LSP1: variants seen among roughly 807,000 people sequenced by gnomAD.
The protein encoded by LSP1 is lymphocyte specific protein 1, also known as lymphocyte-specific protein 1.
Under a neutral mutation model 49.3 loss-of-function variants are expected in LSP1, and 32 were observed. The observed-to-expected ratio is 0.65, with a 90% CI of 0.49 to 0.87. The LOEUF is 0.87. Among genes scored for constraint, LSP1 ranks in the 40% least tolerant of loss-of-function variants. LSP1 has a pLI of 0.00. For synonymous variants in LSP1, 179 were observed against 178.8 expected (o/e 1.00, Z -0.01); for missense variants, 428 against 442.6 (o/e 0.97, Z 0.30).
At chr11:1,853,283 G>A in intron 1 of LSP1, 86 bp downstream of exon 1, 2 of 1,422,110 alleles carry the variant, frequency 1.4e-6, no homozygotes, top group Middle Eastern at 1.8e-4. Context: ...GAGAACTGAG[G>A]TGCCTGATGG....
At chr11:1,866,458 C>T (rs552802699) in intron 1 of LSP1, 141 of 1,462,604 alleles carry the variant, frequency 9.6e-5, no homozygotes, top group South Asian at 7.6e-4. Flanking sequence ...TTGTTGGGTC[C>T]GTGCAGATGC....
chr11:1,884,700 C>A lies in LSP1; in HGVS notation c.717+119C>A. ...CTTATTCAACCAACACCCTATCCAA[C>A]CAATGCTTCTCCATCCAGTCAGTGC... On this transcript the variant is annotated intron_variant, in intron 7 of 10. Coordinates refer to ENST00000311604, the MANE Select transcript of LSP1 (RefSeq NM_002339.3). The surrounding 1 kb of genome is among the most constrained non-coding windows in gnomAD (Gnocchi z 4.1). 3.9e-6 allele frequency: 3 copies of A among 776,600 alleles called. No individual in the cohort carries two copies. Among genetic ancestry groups the A allele is most frequent in the East Asian group, 2.7e-5 (1 of 37,550 alleles). The allele number at this position is 776,600 out of a possible 1,614,324, so 48.1% of individuals were successfully genotyped here. A position where few individuals can be genotyped will look rare whatever the true frequency, so the allele number is the denominator to read the frequency against.
In LSP1 at chr11:1,884,671, C is replaced by A; in HGVS notation, c.717+90C>A. On this transcript the variant is annotated intron_variant, in intron 7 of 10. Transcript: ENST00000311604. This position sits in a 1 kb window ranked among gnomAD's most constrained non-coding sequence, Gnocchi z 4.1. Reference sequence around the variant, plus strand: ...CCAACGCCCTTCCATCCAATCAGTGCCGCCTTATTCAACCAACACCCTATC... The same window carrying A: ...CCAACGCCCTTCCATCCAATCAGTGACGCCTTATTCAACCAACACCCTATC... The A allele has an allele frequency of 2.7e-6, 3 of 1,112,510 alleles. No homozygotes were observed. Among genetic ancestry groups the A allele is most frequent in the Non-Finnish European group, 4.0e-6 (3 of 748,766 alleles). 68.9% of individuals were successfully genotyped at this position (1,112,510 alleles called of 1,614,324 possible).
At chr11:1,866,397 G>T in intron 1 of LSP1, 2 of 1,302,708 alleles carry the variant, frequency 1.5e-6, no homozygotes, top group South Asian at 3.1e-5. Context: ...AGCTAAGTGG[G>T]GTCTGAGGAG....
intron 3 of LSP1, among the ~76,000 whole-genome samples, chr11:1,882,183 A>T (rs957938530): frequency 9.2e-5 from 14 of 152,104 alleles, no homozygotes; most frequent in Non-Finnish European, 1.5e-4. Flanking sequence ...GCCCCACTTC[A>T]CTACCCCTGC....
intron 1 of LSP1, among the ~76,000 whole-genome samples, chr11:1,854,653 C>T (rs568210193): frequency 1.8e-3 from 275 of 152,056 alleles, no homozygotes; most frequent in African/African-American, 6.1e-3. Flanking sequence ...TGGGTCGGGA[C>T]GTCCGTGCCT....
intron 1 of LSP1, chr11:1,863,196 C>A (rs1324725763): frequency 1.3e-5 from 2 of 152,386 alleles, no homozygotes; most frequent in African/African-American, 4.8e-5. Flanking sequence ...GTTGCCGCCA[C>A]CCCCGGCGTG....
intron 1 of LSP1, among the ~76,000 whole-genome samples, chr11:1,874,275 C>A (rs1383196430): frequency 5.1e-5 from 3 of 58,616 alleles, no homozygotes; most frequent in Non-Finnish European, 9.1e-5. Context: ...ACAGTGGGGG[C>A]AGGCCGGGGA....
chr11:1,889,259 G>A (rs750539867), intron 10 of LSP1: 57 of 677,694 alleles, frequency 8.4e-5, no homozygotes, highest in African/African-American at 3.0e-4. Flanking sequence ...GCTTCCGGGC[G>A]TTGAAGCGAG....
Position 1,853,336 on chromosome 11 carries a change from G to A in LSP1, c.53+139G>A, listed in dbSNP as rs890668468. 2.6e-5 allele frequency: 22 copies of A among 839,926 alleles called. No homozygotes were observed. In the African/African-American group the frequency reaches 2.8e-4, roughly 11 times the overall value. The allele number at this position is 839,926 out of a possible 1,614,324, so 52.0% of individuals were successfully genotyped here. ...ATGGGAGAACTTGGATGTCCGATGG[G>A]GAAACTGGGGACCCACAGACAGGTG... On this transcript the variant is annotated intron_variant, in intron 1 of 10. Coordinates refer to ENST00000311604, the MANE Select transcript of LSP1 (RefSeq NM_002339.3).
chr11:1,867,140 C>T (rs1847820594), intron 1 of LSP1, among the ~76,000 whole-genome samples: 1 of 152,154 alleles, frequency 6.6e-6, no homozygotes, highest in Admixed American at 6.5e-5. Context: ...GGTGGTCAGC[C>T]AGTGGGTTGG....
At chr11:1,854,336 G>C (rs1589802171) in intron 1 of LSP1, among the ~76,000 whole-genome samples, 1 of 152,122 alleles carries the variant, frequency 6.6e-6, no homozygotes, top group Non-Finnish European at 1.5e-5. Flanking sequence ...TGCAGCCAGG[G>C]CTGCTACCAG....
At chr11:1,860,067 A>G (rs553528552) in intron 1 of LSP1, among the ~76,000 whole-genome samples, 11 of 152,260 alleles carry the variant, frequency 7.2e-5, no homozygotes, top group South Asian at 4.1e-4. Context: ...CTTAGGCTCT[A>G]TTGAGGTGTT....
At chr11:1,878,976 G>A (rs1002748093) in intron 1 of LSP1, among the ~76,000 whole-genome samples, 3 of 152,098 alleles carry the variant, frequency 2.0e-5, no homozygotes, top group Admixed American at 6.5e-5. Context: ...AGGGGGGCGC[G>A]TGGGACCCCA....
At chr11:1,881,099 C>T (rs960730401) in intron 2 of LSP1, 16 of 258,048 alleles carry the variant, frequency 6.2e-5, no homozygotes, top group African/African-American at 2.3e-4. Flanking sequence ...CACAGCCTTA[C>T]CCTCAGGGAG....
intron 1 of LSP1, among the ~76,000 whole-genome samples, chr11:1,862,566 G>A (rs1324643472): frequency 3.3e-5 from 5 of 152,228 alleles, no homozygotes; most frequent in Middle Eastern, 6.8e-3. Context: ...TGAAGCACAT[G>A]CTCACTGCCC....
chr11:1,855,969 A>G lies in LSP1; in HGVS notation c.53+2772A>G, dbSNP rs112788844. 2.1e-3 allele frequency among the ~76,000 whole-genome samples: 313 copies of G among 152,296 alleles called. 2 individuals are homozygous for G. The highest frequency in any genetic ancestry group is 7.4e-3 in the African/African-American group (306 of 41,574). ...TGCCCTCTCAGACCTTGGGTTCGAC[A>G]TATCCAGATGTTGGAGCCCAGCTCT... On this transcript the variant is annotated intron_variant, in intron 1 of 10. Transcript: ENST00000311604.
chr11:1,883,901 T>C (rs778169613), intron 4 of LSP1, 31 bp from the exon 5 acceptor site: 1 of 1,570,036 alleles, frequency 6.4e-7, no homozygotes, highest in Non-Finnish European at 8.6e-7. Context: ...AAGCAGGGGG[T>C]CACTTGGGAT....
At chr11:1,882,820 G>A (rs1396165491) in intron 3 of LSP1, among the ~76,000 whole-genome samples, 4 of 152,192 alleles carry the variant, frequency 2.6e-5, no homozygotes, top group Non-Finnish European at 5.9e-5. Flanking sequence ...TGGAAAATTC[G>A]AGAATTTCCC....
Sources: gnomAD v4.1 joint callset for allele counts (sites outside exome capture counted in the v4.1 genomes callset) on GRCh38, gnomAD v4.1.1 for gene constraint, Gnocchi (gnomAD v3.1) non-coding constraint, MANE v1.5 for transcripts, NCBI Gene and HGNC (gene_info 2026-07-23, HGNC 2026-07-21) for gene names.